The following ACSM3 variants were observed in gnomAD, a reference collection of about 807,000 sequenced individuals.
ACSM3 encodes the protein acyl-coenzyme A synthetase ACSM3, mitochondrial.
Under a neutral mutation model 74.1 loss-of-function variants are expected in ACSM3, and 61 were observed. That is an observed-to-expected ratio of 0.82 (90% CI 0.67 to 1.02). ACSM3 has a LOEUF of 1.02. Among genes scored for constraint, ACSM3 ranks in the 50% least tolerant of loss-of-function variants. The pLI is 0.00. For missense variants in ACSM3, 660 were observed against 697.0 expected, an observed-to-expected ratio of 0.95 and a Z score of 0.60; for synonymous variants, 213 against 241.5, an observed-to-expected ratio of 0.88 and a Z score of 1.09.
upstream of ACSM3, among the ~76,000 whole-genome samples, chr16:20,759,384 C>A (rs2080057896): frequency 6.6e-6 from 1 of 151,922 alleles, no homozygotes; most frequent in South Asian, 2.1e-4. Context: ...ACGGTGAAAC[C>A]CCGTCTCTAC....
chr16:20,796,267 C>A (rs1481682923), intron 12 of ACSM3, 103 bp from the exon 13 acceptor site: 4 of 1,503,662 alleles, frequency 2.7e-6, no homozygotes, highest in Non-Finnish European at 3.5e-6. Flanking sequence ...AACACACTGG[C>A]CCACCCCACC....
At chr16:20,773,759 T>A (rs1464323704) in intron 2 of ACSM3, among the ~76,000 whole-genome samples, 1 of 152,222 alleles carries the variant, frequency 6.6e-6, no homozygotes, top group Non-Finnish European at 1.5e-5. Flanking sequence ...TTTGTTGAAA[T>A]TTGTTTTGTG....
At position 20,791,006 on chromosome 16, in the gene ACSM3, A is replaced by C. The variant is rs557367714; in HGVS notation, c.1326+318A>C. 1.1e-4 allele frequency: 160 copies of C among 1,492,666 alleles called. No homozygotes were observed. The African/African-American group carries it at 2.1e-3, about 20-fold the overall frequency. 92.5% of individuals were successfully genotyped at this position (1,492,666 alleles called of 1,614,324 possible). A position where few individuals can be genotyped will look rare whatever the true frequency, so the allele number is the denominator to read the frequency against. On this transcript the variant is annotated intron_variant, in intron 10 of 13. Coordinates refer to ENST00000289416, the MANE Select transcript of ACSM3 (RefSeq NM_005622.4). ...AACAAAACCCACTCATTTTCCTGAA[A>C]TCCAGTTAGTGCTCTTTCTTTTCGG...
At chr16:20,726,761 G>C (rs2079807851) in intron 1 of ACSM3, among the ~76,000 whole-genome samples, 1 of 152,216 alleles carries the variant, frequency 6.6e-6, no homozygotes, top group Non-Finnish European at 1.5e-5. Flanking sequence ...CTATAAGAGA[G>C]GATTAAGAGC....
At chr16:20,752,136 G>T (rs2079993322) in intron 2 of ACSM3, among the ~76,000 whole-genome samples, 1 of 152,134 alleles carries the variant, frequency 6.6e-6, no homozygotes, top group Non-Finnish European at 1.5e-5. Flanking sequence ...CTTGCAGTTA[G>T]CCGAGACTGC....
intron 1 of ACSM3, among the ~76,000 whole-genome samples, chr16:20,691,776 TG>T (rs1413570346): frequency 1.3e-5 from 2 of 150,672 alleles, no homozygotes; most frequent in African/African-American, 4.9e-5. Context: ...TGTGTGTGTG[TG>T]TGTGTGTGTG....
chr16:20,788,104 ATTTATTTT>A lies in ACSM3; in HGVS notation c.1224+1957_1224+1964del, dbSNP rs1362715800. On this transcript the variant is annotated intron_variant, in intron 9 of 13. Coordinates refer to ENST00000289416, the MANE Select transcript of ACSM3 (RefSeq NM_005622.4). ...CTCACATTCCTCTTTTTATTTATTT[ATTTATTTT>A]TTTATTTTTTCACATTCCTCTTTGA... 5.3e-5 allele frequency among the ~76,000 whole-genome samples: 8 copies of A among 152,200 alleles called. No individual in the cohort carries two copies. In the South Asian group the frequency reaches 1.0e-3, roughly 20 times the overall value.
chr16:20,718,132 G>A (rs901927469), intron 1 of ACSM3, among the ~76,000 whole-genome samples: 4 of 151,914 alleles, frequency 2.6e-5, no homozygotes, highest in African/African-American at 9.7e-5. Flanking sequence ...GAAAAGAAAA[G>A]GAGAAGGAGA....
At chr16:20,774,432 G>A (rs1720787447) in intron 2 of ACSM3, among the ~76,000 whole-genome samples, 2 of 151,974 alleles carry the variant, frequency 1.3e-5, no homozygotes, top group African/African-American at 2.4e-5. Flanking sequence ...TTATAGAGAC[G>A]GGGTTTCCCC....
At chr16:20,707,138 G>A (rs2079730260) in intron 1 of ACSM3, among the ~76,000 whole-genome samples, 1 of 152,150 alleles carries the variant, frequency 6.6e-6, no homozygotes, top group Non-Finnish European at 1.5e-5. Context: ...ATAGCTGGGA[G>A]ACAAGTCCAT....
At chr16:20,792,771 G>A (rs2080630455) in intron 12 of ACSM3, 1 of 926,352 alleles carries the variant, frequency 1.1e-6, no homozygotes, top group African/African-American at 1.8e-5. Context: ...CTGGAACTGA[G>A]GTAACCATAA....
intron 1 of ACSM3, among the ~76,000 whole-genome samples, chr16:20,692,428 T>C (rs1427564522): frequency 6.6e-6 from 1 of 152,166 alleles, no homozygotes; most frequent in African/African-American, 2.4e-5. Context: ...TTGGGTGAGT[T>C]TATTTGAAGA....
intron 10 of ACSM3, 75 bp from the exon 11 acceptor site, chr16:20,791,927 G>GAA (rs79083383): frequency 9.4e-4 from 1,199 of 1,279,414 alleles, no homozygotes; most frequent in Non-Finnish European, 9.9e-4. Flanking sequence ...GACTGTCTCG[G>GAA]AAAAAAAAAA....
At chr16:20,695,554 GTCTA>G (rs3073746) in intron 1 of ACSM3, among the ~76,000 whole-genome samples, 11 of 151,356 alleles carry the variant, frequency 7.3e-5, no homozygotes, top group East Asian at 5.9e-4. Flanking sequence ...CTGATTATCT[GTCTA>G]TCTATCTATC....
chr16:20,742,550 G>A (rs977682492), intron 1 of ACSM3, among the ~76,000 whole-genome samples: 11 of 151,992 alleles, frequency 7.2e-5, no homozygotes, highest in African/African-American at 2.7e-4. Context: ...GGCTGAGGCA[G>A]GGGAATCACT....
At chr16:20,739,783 T>C (rs564293412) in intron 1 of ACSM3, among the ~76,000 whole-genome samples, 5 of 150,150 alleles carry the variant, frequency 3.3e-5, no homozygotes, top group South Asian at 2.1e-4. Flanking sequence ...ATTGCACCAC[T>C]GCACTCCAGC....
chr16:20,680,490 G>C (rs1030457965), intron 1 of ACSM3: 1 of 152,190 alleles, frequency 6.6e-6, no homozygotes, highest in African/African-American at 2.4e-5. Context: ...GGAACCAGTG[G>C]CCATGGGAGG....
At chr16:20,720,111 T>C (rs2079780183) in intron 1 of ACSM3, among the ~76,000 whole-genome samples, 2 of 152,338 alleles carry the variant, frequency 1.3e-5, no homozygotes, top group Admixed American at 6.5e-5. Flanking sequence ...CCCAGCCTTT[T>C]TGGCGCTAGG....
At chr16:20,741,542 G>C in intron 1 of ACSM3, 1 of 1,507,080 alleles carries the variant, frequency 6.6e-7, no homozygotes, top group Non-Finnish European at 8.9e-7. Context: ...CGCCGTATTC[G>C]TTGAGGAGGC....
Sources: gnomAD v4.1 joint callset for allele counts (sites outside exome capture counted in the v4.1 genomes callset) on GRCh38, gnomAD v4.1.1 for gene constraint, MANE v1.5 for transcripts, NCBI Gene and HGNC (gene_info 2026-07-23, HGNC 2026-07-21) for gene names.